AK5: variants seen among roughly 807,000 people sequenced by gnomAD.
AK5 encodes adenylate kinase 5, also known as adenylate kinase isoenzyme 5.
In AK5, 27 loss-of-function variants were observed where a neutral mutation model predicts 69.5. That is an observed-to-expected ratio of 0.39 (90% confidence interval 0.29 to 0.54). The LOEUF (loss-of-function observed/expected upper bound fraction) is 0.54. AK5 is among the 20% of genes least tolerant of loss of function. The pLI is 0.71. For synonymous variants in AK5, 260 were observed against 244.4 expected, an observed-to-expected ratio of 1.06 and a Z score of -0.60; for missense variants, 531 against 700.4, an observed-to-expected ratio of 0.76 and a Z score of 2.73.
chr1:77,286,863 TAAATTA>T, intron 1 of AK5, 72 bp from the exon 2 acceptor site: 1 of 782,672 alleles, frequency 1.3e-6, no homozygotes, highest in South Asian at 8.1e-5. Flanking sequence ...ATTAATTAAT[TAAATTA>T]AATTAAATTA....
chr1:77,513,302 C>G (rs2803157), intron 10 of AK5, among the ~76,000 whole-genome samples: 150,569 of 152,252 alleles, frequency 0.99, 74,477 homozygotes, highest in East Asian at 1. Flanking sequence ...GTGTTTACAG[C>G]CCCCACTCAT....
intron 8 of AK5, among the ~76,000 whole-genome samples, chr1:77,469,540 A>C (rs763322482): frequency 7.2e-5 from 11 of 152,224 alleles, no homozygotes; most frequent in Non-Finnish European, 1.6e-4. Flanking sequence ...TGTGTAAGCC[A>C]ATTTCTTGCA....
At chr1:77,476,919 A>AC (rs58802983) in intron 8 of AK5, among the ~76,000 whole-genome samples, 1 of 151,252 alleles carries the variant, frequency 6.6e-6, no homozygotes, top group Non-Finnish European at 1.5e-5. Flanking sequence ...AAAAAAAAAA[A>AC]CAGGTATAAG....
intron 12 of AK5, among the ~76,000 whole-genome samples, chr1:77,534,139 A>G (rs1171487166): frequency 6.6e-6 from 1 of 152,138 alleles, no homozygotes; most frequent in Non-Finnish European, 1.5e-5. Flanking sequence ...CGTGTTGCCT[A>G]AACATCCTCT....
chr1:77,357,988 G>A (rs145188347), intron 6 of AK5, among the ~76,000 whole-genome samples: 2 of 48,940 alleles, frequency 4.1e-5, no homozygotes, highest in South Asian at 1.1e-3. Context: ...TATTTATGGA[G>A]AGTAGTGTGT....
At chr1:77,442,210 T>C (rs1652374009) in intron 8 of AK5, among the ~76,000 whole-genome samples, 1 of 152,092 alleles carries the variant, frequency 6.6e-6, no homozygotes, top group African/African-American at 2.4e-5. Context: ...GCAGGGATGA[T>C]TCAAAAGCAG....
At chr1:77,510,330 C>T (rs1657268501) in intron 10 of AK5, among the ~76,000 whole-genome samples, 3 of 152,064 alleles carry the variant, frequency 2.0e-5, no homozygotes, top group Non-Finnish European at 4.4e-5. Context: ...AGATGTTGGT[C>T]GTTGGTGTTA....
At chr1:77,517,163 G>A (rs1489801769) in intron 10 of AK5, among the ~76,000 whole-genome samples, 1 of 151,940 alleles carries the variant, frequency 6.6e-6, no homozygotes, top group Non-Finnish European at 1.5e-5. Context: ...GCTGCTGTAG[G>A]GAATTTGAAT....
chr1:77,462,729 C>A (rs1653917368), intron 8 of AK5, among the ~76,000 whole-genome samples: 1 of 152,048 alleles, frequency 6.6e-6, no homozygotes, highest in Admixed American at 6.6e-5. Flanking sequence ...CTTCCTAAGC[C>A]TCAATTTCAA....
rs1553140332 is a variant in AK5, at chr1:77,368,245, A to ATTATATATATATATGTTATATATAT, written c.891+27678_891+27679insTATATATATATATGTTATATATATT. Among the ~76,000 whole-genome samples the ATTATATATATATATGTTATATATAT allele has an allele frequency of 2.1e-4, 14 of 67,904 alleles. 3 individuals are homozygous for ATTATATATATATATGTTATATATAT. 44.5% of individuals were successfully genotyped at this position (67,904 alleles called of 152,430 possible). Reference sequence around the variant, plus strand: ...TATATATATATATATATATATATATATATATATAATATATATGTTATATAT... The same window carrying ATTATATATATATATGTTATATATAT: ...TATATATATATATATATATATATATATTATATATATATATGTTATATATATTATATATAATATATATGTTATATAT... On this transcript the variant is annotated intron_variant, in intron 6 of 13. Coordinates refer to ENST00000354567, the MANE Select transcript of AK5 (RefSeq NM_174858.3).
At chr1:77,354,269 T>A (rs1570429136) in intron 6 of AK5, among the ~76,000 whole-genome samples, 1 of 152,206 alleles carries the variant, frequency 6.6e-6, no homozygotes, top group Non-Finnish European at 1.5e-5. Context: ...TATAAAATAA[T>A]CTACAAATAT....
chr1:77,291,812 GA>G (rs1275818162), intron 2 of AK5, among the ~76,000 whole-genome samples: 5 of 152,148 alleles, frequency 3.3e-5, no homozygotes, highest in African/African-American at 7.2e-5. Flanking sequence ...ATGGATAAAT[GA>G]AAAAACTCTC....
chr1:77,409,528 G>T (rs1175146862), intron 6 of AK5, among the ~76,000 whole-genome samples: 1 of 151,980 alleles, frequency 6.6e-6, no homozygotes, highest in Non-Finnish European at 1.5e-5. Flanking sequence ...ATGGCTGCAT[G>T]TATGTCTTCT....
chr1:77,450,652 TAACTATCCTCAACA>T (rs1303482428), intron 8 of AK5, among the ~76,000 whole-genome samples: 1 of 152,184 alleles, frequency 6.6e-6, no homozygotes, highest in African/African-American at 2.4e-5. Flanking sequence ...GAATCTATAA[TAACTATCCTCAACA>T]ACCTTCTGCT....
intron 6 of AK5, among the ~76,000 whole-genome samples, chr1:77,407,976 G>A (rs1356465574): frequency 6.6e-6 from 1 of 152,042 alleles, no homozygotes; most frequent in Non-Finnish European, 1.5e-5. Context: ...TCTTTTTTAT[G>A]GCTGTGTCTT....
chr1:77,312,073 A>T (rs1462108260), intron 5 of AK5, among the ~76,000 whole-genome samples: 2 of 152,160 alleles, frequency 1.3e-5, no homozygotes, highest in African/African-American at 4.8e-5. Flanking sequence ...CCAGAGTTCC[A>T]AAATAAGTCC....
At chr1:77,505,326 G>A (rs1355283449) in intron 10 of AK5, among the ~76,000 whole-genome samples, 7 of 152,114 alleles carry the variant, frequency 4.6e-5, no homozygotes, top group African/African-American at 1.7e-4. Context: ...CCATCAACAA[G>A]CTTATTTTCA....
At chr1:77,463,794 G>T (rs11162350) in intron 8 of AK5, among the ~76,000 whole-genome samples, 61,002 of 151,852 alleles carry the variant, frequency 0.4, 12,639 homozygotes, top group Middle Eastern at 0.5. Flanking sequence ...ACAGCCCCCA[G>T]CAGGGAGGCC....
At chr1:77,511,589 C>A (rs1027515777) in intron 10 of AK5, among the ~76,000 whole-genome samples, 3 of 152,184 alleles carry the variant, frequency 2.0e-5, no homozygotes, top group African/African-American at 4.8e-5. Flanking sequence ...TGATGTCCAA[C>A]TTGATACCAG....
Sources: allele counts gnomAD v4.1 joint callset (sites outside exome capture counted in the v4.1 genomes callset), GRCh38; gene constraint gnomAD v4.1.1; transcripts MANE v1.5; gene names NCBI Gene and HGNC (gene_info 2026-07-23, HGNC 2026-07-21).